The following CCDC149 variants were observed in gnomAD, a reference collection of about 807,000 sequenced individuals.
CCDC149 encodes the protein coiled-coil domain containing 149.
In CCDC149, 45 loss-of-function variants were observed where a neutral mutation model predicts 59.9. The observed-to-expected ratio is 0.75, with a 90% CI of 0.59 to 0.96. The LOEUF (loss-of-function observed/expected upper bound fraction) is 0.96, where lower values mean the gene tolerates loss of function less well. CCDC149 is among the 40% of genes least tolerant of loss of function. The pLI, the probability that CCDC149 is intolerant of heterozygous loss-of-function variation, is 0.00. For synonymous variants in CCDC149, 245 were observed against 260.6 expected (o/e 0.94, Z 0.58); for missense variants, 584 against 664.7 (o/e 0.88, Z 1.33).
chr4:24,860,225 G>A (rs1308050954), intron 3 of CCDC149, among the ~76,000 whole-genome samples: 1 of 152,128 alleles, frequency 6.6e-6, no homozygotes, highest in Non-Finnish European at 1.5e-5. Flanking sequence ...AAAACAGCAT[G>A]GTACTGACAC....
chr4:24,805,202 C>T (rs1714090006), downstream of CCDC149, among the ~76,000 whole-genome samples: 3 of 152,198 alleles, frequency 2.0e-5, no homozygotes, highest in Non-Finnish European at 2.9e-5. Flanking sequence ...ATTAAGAGAC[C>T]TGTCAGCTCT....
intron 1 of CCDC149, among the ~76,000 whole-genome samples, chr4:24,950,141 G>C (rs1408605898): frequency 1.5e-4 from 23 of 152,210 alleles, no homozygotes; most frequent in Admixed American, 1.5e-3. Flanking sequence ...ACATTCCTCA[G>C]CCTCATGAGG....
chr4:24,808,509 C>G lies in CCDC149; in HGVS notation c.1503G>C (p.Glu501Asp), dbSNP rs745645965. The G allele has an allele frequency of 2.6e-5, 39 of 1,525,056 alleles. No individual in the cohort carries two copies. The highest frequency in any genetic ancestry group is 3.3e-5 in the Non-Finnish European group (38 of 1,135,680). 94.5% of individuals were successfully genotyped at this position (1,525,056 alleles called of 1,614,324 possible). The change falls in exon 13 of 13, where the codon GAG becomes GAC. Residue 501 changes from glutamate (E) to aspartate (D), a missense_variant. Transcript: ENST00000635206. ...AGGAGTCCAGGTGAGATTTAGGGAG[C>G]TCCCCCTGGATGGCCAGGCCTGGCG... is the stretch of plus-strand genomic sequence containing the variant.
rs558997387 is a variant in CCDC149, at chr4:24,903,904, G to A, written c.63+8913C>T. ...CAACCTCTGCCTCCTGGGTTCAAGCGATTCTCCTGCCTCAGTCTCCTGGGT... is the reference window on the plus strand; with the variant it reads ...CAACCTCTGCCTCCTGGGTTCAAGCAATTCTCCTGCCTCAGTCTCCTGGGT... On this transcript the variant is annotated intron_variant, in intron 1 of 12. Transcript: ENST00000635206. 1.5e-4 allele frequency among the ~76,000 whole-genome samples: 23 copies of A among 151,532 alleles called. No homozygotes were observed. The South Asian group carries it at 3.3e-3, about 22-fold the overall frequency.
chr4:24,884,017 G>C (rs1302012761), intron 1 of CCDC149, among the ~76,000 whole-genome samples: 1 of 152,136 alleles, frequency 6.6e-6, no homozygotes, highest in Non-Finnish European at 1.5e-5. Context: ...TTTTCAACAA[G>C]ACACTCCTAG....
intron 1 of CCDC149, among the ~76,000 whole-genome samples, chr4:24,899,182 G>A (rs1430941098): frequency 2.6e-5 from 4 of 152,284 alleles, no homozygotes; most frequent in Non-Finnish European, 4.4e-5. Context: ...ATGGTGACAC[G>A]GATGCCCTAT....
chr4:24,878,476 AGAG>A (rs1719619591), intron 1 of CCDC149, among the ~76,000 whole-genome samples: 1 of 152,212 alleles, frequency 6.6e-6, no homozygotes, highest in African/African-American at 2.4e-5. Flanking sequence ...AGTAAATATC[AGAG>A]GAGAGTGGCT....
At chr4:24,939,629 A>G (rs1217248431) in intron 1 of CCDC149, among the ~76,000 whole-genome samples, 1 of 152,192 alleles carries the variant, frequency 6.6e-6, no homozygotes, top group Non-Finnish European at 1.5e-5. Flanking sequence ...CCAATGGCAA[A>G]GAAGTTAAAA....
intron 3 of CCDC149, among the ~76,000 whole-genome samples, chr4:24,854,372 C>G (rs1717872005): frequency 6.6e-6 from 1 of 152,158 alleles, no homozygotes; most frequent in Admixed American, 6.5e-5. Flanking sequence ...TGCGTTGTTC[C>G]AGACAGTGCT....
chr4:24,831,590 G>A lies in CCDC149; in HGVS notation c.881C>T (p.Ser294Phe). ...GGCTGTTGCCAGAGATTTCAGGTCAGAAATGGACTGCGGAGTAGCTGGGAG... is the reference window on the plus strand; with the variant it reads ...GGCTGTTGCCAGAGATTTCAGGTCAAAAATGGACTGCGGAGTAGCTGGGAG... Residue 294 changes from serine (S) to phenylalanine (F), a missense_variant, in exon 9 of 13, where the codon TCT (serine) becomes TTT (phenylalanine). Coordinates refer to ENST00000635206, the MANE Select transcript of CCDC149 (RefSeq NM_001330643.2). 6.2e-7 allele frequency: 1 copy of A among 1,614,114 alleles called. No homozygotes were observed. Among genetic ancestry groups the A allele is most frequent in the Non-Finnish European group, 8.5e-7 (1 of 1,180,004 alleles).
At chr4:24,866,177 G>A (rs927352498) in intron 3 of CCDC149, among the ~76,000 whole-genome samples, 8 of 152,100 alleles carry the variant, frequency 5.3e-5, no homozygotes. Context: ...GCCACTCTAT[G>A]CTCTGATTTT....
intron 3 of CCDC149, among the ~76,000 whole-genome samples, chr4:24,860,890 C>T (rs1040505685): frequency 2.6e-5 from 4 of 152,144 alleles, no homozygotes; most frequent in African/African-American, 9.7e-5. Flanking sequence ...ATCAAAATCA[C>T]AATGCAATAA....
At chr4:24,927,396 T>C (rs1722459153) in intron 1 of CCDC149, among the ~76,000 whole-genome samples, 1 of 152,244 alleles carries the variant, frequency 6.6e-6, no homozygotes, top group Admixed American at 6.5e-5. Flanking sequence ...ATTCTCTGTA[T>C]TACAAATGCA....
intron 1 of CCDC149, among the ~76,000 whole-genome samples, chr4:24,931,617 T>C (rs1224389791): frequency 6.6e-6 from 1 of 151,296 alleles, no homozygotes; most frequent in East Asian, 1.9e-4. Context: ...TCGAATTGGC[T>C]AGAACTAGTC....
At chr4:24,916,666 C>G (rs1390902204), upstream of CCDC149, among the ~76,000 whole-genome samples, 1 of 152,118 alleles carries the variant, frequency 6.6e-6, no homozygotes, top group East Asian at 1.9e-4. Context: ...GGGCTTCTCT[C>G]TGAACTATAT....
At chr4:24,937,610 G>C (rs190760442) in intron 1 of CCDC149, among the ~76,000 whole-genome samples, 4 of 152,178 alleles carry the variant, frequency 2.6e-5, no homozygotes, top group African/African-American at 9.6e-5. Flanking sequence ...GTTAAAGATC[G>C]TACTGGTTGT....
intron 1 of CCDC149, among the ~76,000 whole-genome samples, chr4:24,942,748 C>A (rs193125568): frequency 2.3e-3 from 355 of 152,138 alleles, no homozygotes; most frequent in African/African-American, 7.7e-3. Flanking sequence ...TCTTATACAC[C>A]AATAACAGAC....
intron 1 of CCDC149, among the ~76,000 whole-genome samples, chr4:24,881,663 A>G (rs61793768): frequency 2.0e-5 from 3 of 152,212 alleles, no homozygotes; most frequent in African/African-American, 7.2e-5. Context: ...TGGGGGGGAG[A>G]AAAGTTATAC....
upstream of CCDC149, among the ~76,000 whole-genome samples, chr4:24,913,692 C>A (rs1244514041): frequency 6.6e-6 from 1 of 152,134 alleles, no homozygotes; most frequent in Non-Finnish European, 1.5e-5. Flanking sequence ...GCCTGTAATC[C>A]CAGCACCTTG....
Sources: gnomAD v4.1 joint callset for allele counts (sites outside exome capture counted in the v4.1 genomes callset) on GRCh38, gnomAD v4.1.1 for gene constraint, MANE v1.5 for transcripts, NCBI Gene and HGNC (gene_info 2026-07-23, HGNC 2026-07-21) for gene names.